Variants in UGT1A8 observed in about 807,000 individuals in gnomAD.
UGT1A8 encodes UDP-glucuronosyltransferase 1A8.
Under a neutral mutation model 45.3 loss-of-function variants are expected in UGT1A8, and 39 were observed. The ratio of observed to expected loss-of-function variants is 0.86; its 90% CI spans 0.67 to 1.12. The LOEUF (loss-of-function observed/expected upper bound fraction) is 1.12, where lower values mean the gene tolerates loss of function less well. UGT1A8 is among the 50% of genes most tolerant of loss of function. UGT1A8 has a pLI of 0.00. For synonymous variants in UGT1A8, 275 were observed against 249.2 expected (o/e 1.10, Z -0.97); for missense variants, 719 against 664.9 (o/e 1.08, Z -0.90).
Position 233,769,406 on chromosome 2 carries a change from T to C in UGT1A8, c.1295+967T>C. Reference sequence around the variant, plus strand: ...AATAGATACTGTGTGCATATGTGCGTGTGCGTTTGTGCATGTGGCTGTGCT... The same window carrying C: ...AATAGATACTGTGTGCATATGTGCGCGTGCGTTTGTGCATGTGGCTGTGCT... On this transcript the variant is annotated intron_variant, in intron 4 of 4. Transcript: ENST00000373450. This position sits in a 1 kb window ranked among gnomAD's most constrained non-coding sequence, Gnocchi z 4.4. 1 of 1,252,262 alleles carries C rather than the reference T, an allele frequency of 8.0e-7. No individual in the cohort carries two copies. Among genetic ancestry groups the C allele is most frequent in the Non-Finnish European group, 1.1e-6 (1 of 876,920 alleles). The allele number at this position is 1,252,262 out of a possible 1,614,324, so 77.6% of individuals were successfully genotyped here.
At chr2:233,771,437 T>G (rs981684428) in intron 4 of UGT1A8, 1 of 152,226 alleles carries the variant, frequency 6.6e-6, no homozygotes, top group African/African-American at 2.4e-5. Context: ...CATTTTGCAC[T>G]AAGTGGCTGC....
At chr2:233,669,049 T>C (rs1192567841) in intron 1 of UGT1A8, among the ~76,000 whole-genome samples, 4 of 152,348 alleles carry the variant, frequency 2.6e-5, no homozygotes, top group Non-Finnish European at 5.9e-5. Context: ...CACAAGGTAA[T>C]GTGTTTTCCC....
intron 1 of UGT1A8, among the ~76,000 whole-genome samples, chr2:233,665,239 T>G (rs1366943022): frequency 2.0e-5 from 3 of 152,244 alleles, no homozygotes; most frequent in Non-Finnish European, 4.4e-5. Context: ...AAGTCTTTAC[T>G]TTGGATTTAA....
intron 1 of UGT1A8, among the ~76,000 whole-genome samples, chr2:233,709,506 C>T (rs2076079939): frequency 6.6e-6 from 1 of 152,128 alleles, no homozygotes; most frequent in African/African-American, 2.4e-5. Context: ...CTGCCTCTTG[C>T]TCTCTTTTAG....
intron 1 of UGT1A8, among the ~76,000 whole-genome samples, chr2:233,679,523 C>T (rs1325905150): frequency 6.6e-6 from 1 of 152,140 alleles, no homozygotes; most frequent in Non-Finnish European, 1.5e-5. Flanking sequence ...TCTTCCTTGC[C>T]AATAAATGTC....
At chr2:233,669,039 C>T (rs2074130816) in intron 1 of UGT1A8, among the ~76,000 whole-genome samples, 1 of 152,116 alleles carries the variant, frequency 6.6e-6, no homozygotes. Context: ...GGAGGAAGAC[C>T]ACAAGGTAAT....
intron 1 of UGT1A8, among the ~76,000 whole-genome samples, chr2:233,707,429 T>C (rs773966479): frequency 7.2e-5 from 11 of 152,196 alleles, no homozygotes; most frequent in Non-Finnish European, 1.6e-4. Context: ...ATTTCTTTGC[T>C]TTTCTTTACA....
Position 233,630,810 on chromosome 2 carries a change from A to C in UGT1A8, c.855+12248A>C, listed in dbSNP as rs571774675. Among the ~76,000 whole-genome samples, 12 of 146,048 alleles carry C rather than the reference A, an allele frequency of 8.2e-5. No individual in the cohort carries two copies. The East Asian group carries it at 2.4e-3, about 29-fold the overall frequency. On this transcript the variant is annotated intron_variant, in intron 1 of 4. Coordinates refer to ENST00000373450, the MANE Select transcript of UGT1A8 (RefSeq NM_019076.5). ...GTAAACATATGCCATGGTAGCACAT[A>C]CTTTTTTTTTTTTCCTGCTCTAAAA...
intron 1 of UGT1A8, among the ~76,000 whole-genome samples, chr2:233,699,126 T>C (rs868039744): frequency 2.0e-5 from 3 of 152,228 alleles, no homozygotes; most frequent in Admixed American, 6.5e-5. Context: ...GTTCTACTTA[T>C]GTCAGATTCT....
chr2:233,727,845 A>G (rs1384515485), intron 1 of UGT1A8, among the ~76,000 whole-genome samples: 1 of 152,084 alleles, frequency 6.6e-6, no homozygotes, highest in East Asian at 1.9e-4. Context: ...ATGTGGAGTA[A>G]TTTCCTCCCT....
chr2:233,755,079 A>C, intron 1 of UGT1A8: 1 of 1,336,770 alleles, frequency 7.5e-7, no homozygotes, highest in Non-Finnish European at 1.0e-6. Flanking sequence ...GCGGTCATAG[A>C]TATCGCGTTT....
At chr2:233,657,102 A>G (rs939250818) in intron 1 of UGT1A8, among the ~76,000 whole-genome samples, 4 of 152,054 alleles carry the variant, frequency 2.6e-5, no homozygotes, top group Non-Finnish European at 4.4e-5. Flanking sequence ...ACCCAACACA[A>G]TACACCGTCT....
intron 1 of UGT1A8, chr2:233,693,123 T>G: frequency 6.2e-7 from 1 of 1,614,176 alleles, no homozygotes; most frequent in Non-Finnish European, 8.5e-7. Context: ...AGCCACTGGC[T>G]TAGTATGAAG....
intron 1 of UGT1A8, among the ~76,000 whole-genome samples, chr2:233,731,288 T>TC (rs1363892538): frequency 6.6e-6 from 1 of 151,914 alleles, no homozygotes; most frequent in Non-Finnish European, 1.5e-5. Context: ...TTCTTTCTTT[T>TC]TTTTTTTTTT....
At chr2:233,697,848 C>G (rs2075412973) in intron 1 of UGT1A8, among the ~76,000 whole-genome samples, 2 of 151,974 alleles carry the variant, frequency 1.3e-5, no homozygotes, top group African/African-American at 4.8e-5. Context: ...AGTTAGTAAG[C>G]AAAAGTTATG....
intron 1 of UGT1A8, chr2:233,693,804 T>A: frequency 1.2e-6 from 2 of 1,614,202 alleles, no homozygotes; most frequent in Non-Finnish European, 1.7e-6. Context: ...CCTAGGCCGG[T>A]CATGCCCAAC....
At chr2:233,655,070 C>T (rs2073827143) in intron 1 of UGT1A8, among the ~76,000 whole-genome samples, 1 of 151,814 alleles carries the variant, frequency 6.6e-6, no homozygotes, top group South Asian at 2.1e-4. Context: ...GCCTGGGCAA[C>T]AGAGCAAGAT....
chr2:233,691,493 C>T, intron 1 of UGT1A8: 1 of 985,764 alleles, frequency 1.0e-6, no homozygotes, highest in Non-Finnish European at 1.2e-6. Context: ...TGGGTGGGAA[C>T]AGGAACTCGC....
intron 1 of UGT1A8, among the ~76,000 whole-genome samples, chr2:233,763,620 C>T (rs1442912826): frequency 6.6e-6 from 1 of 152,168 alleles, no homozygotes; most frequent in African/African-American, 2.4e-5. Flanking sequence ...ACTACCATTC[C>T]TCTTGTGTTG....
Sources: gnomAD v4.1 joint callset for allele counts (sites outside exome capture counted in the v4.1 genomes callset) on GRCh38, gnomAD v4.1.1 for gene constraint, Gnocchi (gnomAD v3.1) non-coding constraint, MANE v1.5 for transcripts, NCBI Gene and HGNC (gene_info 2026-07-23, HGNC 2026-07-21) for gene names.